KAT6B: variants seen among roughly 807,000 people sequenced by gnomAD.
The protein encoded by KAT6B is lysine acetyltransferase 6B.
In KAT6B, 10 loss-of-function variants were observed where a neutral mutation model predicts 187.5. The observed-to-expected ratio is 0.05, with a 90% confidence interval of 0.03 to 0.09. The LOEUF is 0.09. KAT6B is among the 10% of genes least tolerant of loss of function. KAT6B has a pLI of 1.00. For missense variants in KAT6B, 1,952 were observed against 2,558.9 expected, an observed-to-expected ratio of 0.76 and a Z score of 5.12; for synonymous variants, 861 against 926.8, an observed-to-expected ratio of 0.93 and a Z score of 1.29.
chr10:74,839,872 G>A (rs1841600405), intron 2 of KAT6B, among the ~76,000 whole-genome samples: 1 of 152,170 alleles, frequency 6.6e-6, no homozygotes, highest in Admixed American at 6.5e-5. Context: ...AACACACTGT[G>A]TTCCAAGTCT....
intron 13 of KAT6B, among the ~76,000 whole-genome samples, chr10:75,003,662 C>T (rs12219002): frequency 0.03 from 4,586 of 152,076 alleles, 190 homozygotes; most frequent in East Asian, 0.16. Flanking sequence ...TCCTTATTTT[C>T]TCATTATAAT....
chr10:74,910,493 A>T (rs760376205), intron 3 of KAT6B, among the ~76,000 whole-genome samples: 3 of 152,138 alleles, frequency 2.0e-5, no homozygotes, highest in African/African-American at 7.2e-5. Flanking sequence ...GCTTCTAGAG[A>T]TAACTTCACT....
intron 3 of KAT6B, among the ~76,000 whole-genome samples, chr10:74,927,870 C>T (rs1340712880): frequency 1.3e-5 from 2 of 152,156 alleles, no homozygotes; most frequent in South Asian, 2.1e-4. Context: ...AGAGAAGACC[C>T]TCTGAGCTGC....
At chr10:74,854,367 C>G (rs926603470) in intron 3 of KAT6B, among the ~76,000 whole-genome samples, 6 of 152,084 alleles carry the variant, frequency 3.9e-5, no homozygotes, top group African/African-American at 1.4e-4. Flanking sequence ...GGCAGAAGCA[C>G]TTTACCAGAG....
chr10:74,855,611 G>A (rs1438781563), intron 3 of KAT6B, among the ~76,000 whole-genome samples: 1 of 152,196 alleles, frequency 6.6e-6, no homozygotes, highest in Non-Finnish European at 1.5e-5. Flanking sequence ...TAGTGGAAGA[G>A]TATTGGCTGT....
chr10:74,851,662 T>C (rs1235620030), intron 3 of KAT6B, among the ~76,000 whole-genome samples: 2 of 152,142 alleles, frequency 1.3e-5, no homozygotes, highest in African/African-American at 2.4e-5. Context: ...GTTCAGATGA[T>C]CAGAAATGGG....
At position 75,028,676 on chromosome 10, in the gene KAT6B, C is replaced by G; in HGVS notation, c.3852C>G (p.Asp1284Glu). 2 of 1,613,974 alleles carry G rather than the reference C, an allele frequency of 1.2e-6. No individual in the cohort carries two copies. The highest frequency in any genetic ancestry group is 1.7e-6 in the Non-Finnish European group (2 of 1,180,028). Residue 1284 changes from aspartate (D) to glutamate (E), a missense_variant, in exon 18 of 18, where the codon GAC becomes GAG. Physicochemically the swap from Asp to Glu is conservative, Grantham distance 45 (BLOSUM62 2). Coordinates refer to ENST00000287239, the MANE Select transcript of KAT6B (RefSeq NM_012330.4). The part of the protein sequence containing the change: ...YTPPETPMEP[D>E]EQVTVEEQKE... ...CGCCAGAAACACCCATGGAGCCTGA[C>G]GAGCAGGTAACAGTGGAAGAACAGA... is the stretch of plus-strand genomic sequence containing the variant.
In KAT6B at chr10:74,861,307, T is replaced by TA. The variant is rs111527826; in HGVS notation, c.621+17838dup. On this transcript the variant is annotated intron_variant, in intron 3 of 17. Coordinates refer to ENST00000287239, the MANE Select transcript of KAT6B (RefSeq NM_012330.4). ...ACAGAGCGAGACTCTGTCTCAAAGGTAAAAAAAAAGAAACATGCTAATACA... is the reference window on the plus strand; with the variant it reads ...ACAGAGCGAGACTCTGTCTCAAAGGTAAAAAAAAAAGAAACATGCTAATACA... Among the ~76,000 whole-genome samples, 148 of 150,924 alleles carry TA rather than the reference T, an allele frequency of 9.8e-4. 1 individual carries two copies. Among genetic ancestry groups the TA allele is most frequent in the African/African-American group, 2.6e-3 (108 of 41,114 alleles).
intron 13 of KAT6B, among the ~76,000 whole-genome samples, chr10:75,001,862 C>A (rs945118323): frequency 1.3e-5 from 2 of 152,114 alleles, no homozygotes; most frequent in African/African-American, 4.8e-5. Context: ...TGTATTACGC[C>A]CCCTGGAACC....
intron 3 of KAT6B, among the ~76,000 whole-genome samples, chr10:74,869,134 T>C (rs927943928): frequency 4.6e-5 from 7 of 152,226 alleles, no homozygotes; most frequent in African/African-American, 1.7e-4. Context: ...AAACACTGTT[T>C]AGACTCTTGC....
chr10:74,875,355 A>T (rs1844336555), intron 3 of KAT6B, among the ~76,000 whole-genome samples: 1 of 152,182 alleles, frequency 6.6e-6, no homozygotes, highest in Admixed American at 6.5e-5. Flanking sequence ...GCTAGTTCTT[A>T]TGTGTAGCAC....
At chr10:74,837,847 ATT>A (rs10605934) in intron 1 of KAT6B, among the ~76,000 whole-genome samples, 32,864 of 142,024 alleles carry the variant, frequency 0.23, 8,196 homozygotes, top group African/African-American at 0.63. Flanking sequence ...CTAGCTGTGT[ATT>A]TTTTTTTTTT....
In KAT6B at chr10:74,972,602, A is replaced by G; in HGVS notation, c.1024A>G (p.Ile342Val). Residue 342 changes from isoleucine (I) to valine (V), a missense_variant, in exon 7 of 18, where the codon ATT becomes GTT. Ile to Val is a conservative substitution (Grantham distance 29). Around this residue, in one of 9 missense-constraint regions of KAT6B, gnomAD observed 417 missense variants for 508.9 expected, o/e 0.82. Coordinates refer to ENST00000287239, the MANE Select transcript of KAT6B (RefSeq NM_012330.4). ...AQIKRRYAKP[I>V]GRPKNKLKQR... ...AATAAAACGACGATATGCAAAACCC[A>G]TTGGACGACCGAAAAATAAATTAAA... 1 of 1,613,506 alleles carries G rather than the reference A, an allele frequency of 6.2e-7. No individual in the cohort carries two copies. Among genetic ancestry groups the G allele is most frequent in the Non-Finnish European group, 8.5e-7 (1 of 1,179,560 alleles).
At chr10:75,001,285 G>C (rs1843816470) in intron 13 of KAT6B, among the ~76,000 whole-genome samples, 1 of 152,098 alleles carries the variant, frequency 6.6e-6, no homozygotes, top group African/African-American at 2.4e-5. Flanking sequence ...CCCCGGGCTT[G>C]TTTCTCCTTT....
In KAT6B at chr10:74,837,283, A is replaced by G. The variant is rs78680186; in HGVS notation, c.-328-1400A>G. On this transcript the variant is annotated intron_variant, in intron 1 of 17. Coordinates refer to ENST00000287239, the MANE Select transcript of KAT6B (RefSeq NM_012330.4). Reference sequence around the variant, plus strand: ...TTATAAGACCGTATGATACAACCATATAATTTACTGATATTTTGTAGTTAA... The same window carrying G: ...TTATAAGACCGTATGATACAACCATGTAATTTACTGATATTTTGTAGTTAA... 3.9e-3 allele frequency among the ~76,000 whole-genome samples: 598 copies of G among 152,362 alleles called. 4 individuals are homozygous for G. The highest frequency in any genetic ancestry group is 0.014 in the African/African-American group (573 of 41,580).
intron 13 of KAT6B, among the ~76,000 whole-genome samples, chr10:74,997,230 C>G (rs2133935537): frequency 6.8e-6 from 1 of 147,646 alleles, no homozygotes. Flanking sequence ...CCTGTTCTCC[C>G]CACCCCCCCA....
At chr10:74,918,855 T>C (rs752236022) in intron 3 of KAT6B, among the ~76,000 whole-genome samples, 6 of 152,224 alleles carry the variant, frequency 3.9e-5, no homozygotes, top group Non-Finnish European at 7.3e-5. Flanking sequence ...ATTGAAGATA[T>C]TATTTCATTG....
intron 3 of KAT6B, among the ~76,000 whole-genome samples, chr10:74,901,627 C>G (rs1013169244): frequency 2.0e-5 from 3 of 152,034 alleles, no homozygotes; most frequent in African/African-American, 7.2e-5. Context: ...CTTGTTCAAA[C>G]AGTTGTAATT....
rs1450133368 is a variant in KAT6B at position 75,032,016 on chromosome 10, C to T, written c.*970C>T. ...TTTTTAAGGAAAAATAGAAAAGTAG[C>T]TTGTGAATAGCTCAAACTAAGCTTA... On this transcript the variant is annotated 3_prime_UTR_variant, in exon 18 of 18. Transcript: ENST00000287239. 2 of 193,570 alleles carry T rather than the reference C, an allele frequency of 1.0e-5. No individual in the cohort carries two copies. The highest frequency in any genetic ancestry group is 2.3e-5 in the African/African-American group (1 of 43,056). The allele number at this position is 193,570 out of a possible 1,614,324, so 12.0% of individuals were successfully genotyped here.
Sources: gnomAD v4.1 joint callset for allele counts (sites outside exome capture counted in the v4.1 genomes callset) on GRCh38, gnomAD v4.1.1 for gene constraint, gnomAD v4.1.1 regional missense constraint, MANE v1.5 for transcripts, NCBI Gene and HGNC (gene_info 2026-07-23, HGNC 2026-07-21) for gene names.